ANKRD36: variants seen among roughly 807,000 people sequenced by gnomAD.
The protein encoded by ANKRD36 is ankyrin repeat domain 36.
A neutral mutation model predicts 278.1 loss-of-function variants in ANKRD36; 179 were observed. The ratio of observed to expected loss-of-function variants is 0.64; its 90% CI spans 0.57 to 0.73. The LOEUF is 0.73. Ranked by LOEUF, ANKRD36 falls within the 30% of genes least tolerant of loss-of-function variation. The pLI, the probability that ANKRD36 is intolerant of heterozygous loss-of-function variation, is 0.00. For synonymous variants in ANKRD36, 320 were observed against 641.1 expected, an observed-to-expected ratio of 0.50 and a Z score of 7.57; for missense variants, 1,159 against 1,956.7, an observed-to-expected ratio of 0.59 and a Z score of 7.69.
In ANKRD36 at chr2:97,192,965, T is replaced by C. The variant is rs531148482; in HGVS notation, c.2377-16T>C. On this transcript the variant is annotated splice_polypyrimidine_tract_variant and intron_variant, in intron 37 of 75. Transcript: ENST00000420699. ...ATACTTTATTAATTTATTATTTCAT[T>C]TGAAATTCCATTCAGGCTACAAGTG... is the stretch of plus-strand genomic sequence containing the variant. 1.3e-6 allele frequency: 2 copies of C among 1,585,026 alleles called. No homozygotes were observed. Among genetic ancestry groups the C allele is most frequent in the East Asian group, 4.7e-5 (2 of 42,810 alleles).
intron 66 of ANKRD36, among the ~76,000 whole-genome samples, chr2:97,220,789 T>TTTTTTTTTTTTTTTTTTTTA (rs2067376044): frequency 1.6e-5 from 2 of 127,156 alleles, no homozygotes; most frequent in African/African-American, 3.1e-5. Flanking sequence ...TTTTTTTTTT[T>TTTTTTTTTTTTTTTTTTTTA]ATTATACTCT....
At chr2:97,133,843 C>T (rs1023799541) in intron 6 of ANKRD36, among the ~76,000 whole-genome samples, 3 of 151,570 alleles carry the variant, frequency 2.0e-5, no homozygotes, top group South Asian at 2.1e-4. Flanking sequence ...TCCCCCCTCA[C>T]GTGCATAGCT....
chr2:97,141,292 G>A (rs2042859129), intron 6 of ANKRD36, among the ~76,000 whole-genome samples: 1 of 148,394 alleles, frequency 6.7e-6, no homozygotes, highest in South Asian at 2.1e-4. Flanking sequence ...GAAGTCTCTT[G>A]TGATTTAGAG....
chr2:97,190,927 A>C lies in ANKRD36; in HGVS notation c.2246-51A>C, dbSNP rs1575569725. 21 of 1,593,186 alleles carry C rather than the reference A, an allele frequency of 1.3e-5. 1 individual carries two copies. Among genetic ancestry groups the C allele is most frequent in the Non-Finnish European group, 1.4e-5 (16 of 1,168,838 alleles). ...CTAACACTGTGTGAATGTATGGATAACTTTATCATGTTTATATATGAGTGA... is the reference window on the plus strand; with the variant it reads ...CTAACACTGTGTGAATGTATGGATACCTTTATCATGTTTATATATGAGTGA... On this transcript the variant is annotated intron_variant, in intron 34 of 75. Coordinates refer to ENST00000420699, the MANE Select transcript of ANKRD36 (RefSeq NM_001354587.1).
intron 67 of ANKRD36, among the ~76,000 whole-genome samples, chr2:97,229,613 A>G (rs1417981237): frequency 1.3e-5 from 2 of 152,090 alleles, no homozygotes; most frequent in East Asian, 3.9e-4. Context: ...TGTGTCTTTT[A>G]ATTGGAGCAT....
chr2:97,222,113 G>A (rs541395991), intron 66 of ANKRD36, among the ~76,000 whole-genome samples: 1 of 152,066 alleles, frequency 6.6e-6, no homozygotes, highest in South Asian at 2.1e-4. Context: ...ATTTCTGAGG[G>A]CTCTGTTCTG....
chr2:97,128,676 A>G (rs1297249120), intron 6 of ANKRD36, among the ~76,000 whole-genome samples: 3 of 151,942 alleles, frequency 2.0e-5, no homozygotes, highest in East Asian at 1.9e-4. Flanking sequence ...ATGTGCCCAC[A>G]CTTTTACAGA....
At chr2:97,190,637 A>G (rs1459068905) in intron 34 of ANKRD36, among the ~76,000 whole-genome samples, 2 of 151,556 alleles carry the variant, frequency 1.3e-5, no homozygotes, top group Non-Finnish European at 2.9e-5. Flanking sequence ...ACCTGCTTTG[A>G]CATTGATTCT....
At chr2:97,189,352 C>T (rs2058065857) in intron 34 of ANKRD36, 62 bp downstream of exon 34, 1 of 677,950 alleles carries the variant, frequency 1.5e-6, no homozygotes, top group African/African-American at 1.5e-5. Context: ...CTTCTCTACC[C>T]CGAATAAATC....
chr2:97,184,051 G>A (rs1158147277), intron 28 of ANKRD36, among the ~76,000 whole-genome samples: 5 of 151,658 alleles, frequency 3.3e-5, no homozygotes, highest in Non-Finnish European at 5.9e-5. Flanking sequence ...ATAATAACCC[G>A]TAGACACTGG....
intron 36 of ANKRD36, among the ~76,000 whole-genome samples, chr2:97,191,475 G>A (rs577326788): frequency 1.1e-4 from 17 of 151,554 alleles, no homozygotes; most frequent in Non-Finnish European, 1.9e-4. Context: ...ACTCTACAGC[G>A]TTTTCAGTAA....
chr2:97,117,396 G>A (rs369519817), intron 1 of ANKRD36, among the ~76,000 whole-genome samples: 4 of 151,800 alleles, frequency 2.6e-5, no homozygotes, highest in Admixed American at 1.3e-4. Context: ...TTAATGTAAG[G>A]CATCACGGAT....
chr2:97,187,861 C>T lies in ANKRD36; in HGVS notation c.2143+460C>T, dbSNP rs577389837. On this transcript the variant is annotated intron_variant, in intron 32 of 75. Coordinates refer to ENST00000420699, the MANE Select transcript of ANKRD36 (RefSeq NM_001354587.1). ...ACCCCTGATGTAGCAATTATTTTCC[C>T]AAGGAAGATGGATTGTCAGACAGGA... Among the ~76,000 whole-genome samples the T allele has an allele frequency of 1.1e-3, 166 of 151,768 alleles. 4 individuals are homozygous for T. In the East Asian group the frequency reaches 0.012, roughly 11 times the overall value.
intron 6 of ANKRD36, among the ~76,000 whole-genome samples, chr2:97,129,419 G>A (rs545017797): frequency 6.6e-6 from 1 of 152,112 alleles, no homozygotes; most frequent in East Asian, 1.9e-4. Context: ...CATTCTGTAG[G>A]TTGTCTGTTC....
At chr2:97,125,221 C>G (rs550953094) in intron 5 of ANKRD36, among the ~76,000 whole-genome samples, 135 of 151,822 alleles carry the variant, frequency 8.9e-4, no homozygotes, top group Non-Finnish European at 1.6e-3. Flanking sequence ...TTCTGTTTGA[C>G]ATCCCTCAAT....
In ANKRD36 at chr2:97,118,140, A is replaced by T; in HGVS notation, c.274A>T (p.Asn92Tyr). 1 of 1,567,384 alleles carries T rather than the reference A, an allele frequency of 6.4e-7. No homozygotes were observed. Among genetic ancestry groups the T allele is most frequent in the Non-Finnish European group, 8.7e-7 (1 of 1,154,878 alleles). ...CCTGGTGTCCAGAAGATGTGAGCTTAACCTCTGCGACCGTGAAGACAGGAC... is the reference window on the plus strand; with the variant it reads ...CCTGGTGTCCAGAAGATGTGAGCTTTACCTCTGCGACCGTGAAGACAGGAC... ...HLLVSRRCELNLCDREDRTPL... is the reference protein window; with the variant it reads ...HLLVSRRCELYLCDREDRTPL... The change falls in exon 2 of 76, where the codon AAC (asparagine) becomes TAC (tyrosine). Residue 92 changes from asparagine (N) to tyrosine (Y), a missense_variant. Physicochemically the swap from Asn to Tyr is moderately radical, Grantham distance 143 (BLOSUM62 -2). Transcript: ENST00000420699.
At chr2:97,244,199 A>AT (rs2075090432) in intron 70 of ANKRD36, among the ~76,000 whole-genome samples, 170 bp downstream of exon 70, 1 of 148,516 alleles carries the variant, frequency 6.7e-6, no homozygotes, top group Non-Finnish European at 1.5e-5. Flanking sequence ...AAACCTTGAA[A>AT]TATTTTATTT....
intron 69 of ANKRD36, among the ~76,000 whole-genome samples, chr2:97,242,288 CAAAAAAA>C (rs377748316): frequency 8.1e-6 from 1 of 124,034 alleles, no homozygotes; most frequent in East Asian, 2.3e-4. Flanking sequence ...GACTCCCTCT[CAAAAAAA>C]AAAAAAAAAA....
At chr2:97,160,535 T>C (rs1029774000) in intron 17 of ANKRD36, among the ~76,000 whole-genome samples, 7 of 152,126 alleles carry the variant, frequency 4.6e-5, no homozygotes, top group Admixed American at 1.3e-4. Context: ...TTCATGTGAG[T>C]ATTGGGTCCT....
Sources: gnomAD v4.1 joint callset for allele counts (sites outside exome capture counted in the v4.1 genomes callset) on GRCh38, gnomAD v4.1.1 for gene constraint, MANE v1.5 for transcripts, NCBI Gene and HGNC (gene_info 2026-07-23, HGNC 2026-07-21) for gene names.